The following ZNRF3 variants were observed in gnomAD, a reference collection of about 807,000 sequenced individuals.
ZNRF3 encodes the protein E3 ubiquitin-protein ligase ZNRF3.
A neutral mutation model predicts 72.5 loss-of-function variants in ZNRF3; 23 were observed. The ratio of observed to expected loss-of-function variants is 0.32; its 90% CI spans 0.23 to 0.45. The LOEUF (loss-of-function observed/expected upper bound fraction) is 0.45. Ranked by LOEUF, ZNRF3 falls within the 20% of genes least tolerant of loss-of-function variation. The pLI is 1.00. For missense variants in ZNRF3, 1,169 were observed against 1,272.1 expected, an observed-to-expected ratio of 0.92 and a Z score of 1.23; for synonymous variants, 610 against 545.3, an observed-to-expected ratio of 1.12 and a Z score of -1.65.
chr22:28,928,490 C>CTTTTT (rs10710766), intron 1 of ZNRF3, among the ~76,000 whole-genome samples: 2 of 80,604 alleles, frequency 2.5e-5, no homozygotes, highest in African/African-American at 8.2e-5. Flanking sequence ...CCAGAAATGT[C>CTTTTT]TTTTTTTTTT....
intron 1 of ZNRF3, among the ~76,000 whole-genome samples, chr22:28,935,607 C>G (rs1601577830): frequency 1.3e-5 from 2 of 152,336 alleles, no homozygotes; most frequent in East Asian, 3.9e-4. Context: ...AGGGTGCCCA[C>G]ACCAACATCC....
rs2036725869 is a variant in ZNRF3 at position 29,030,549 on chromosome 22, G to A, written c.427-11946G>A. Among the ~76,000 whole-genome samples, 1 of 152,172 alleles carries A rather than the reference G, an allele frequency of 6.6e-6. No homozygotes were observed. Among genetic ancestry groups the A allele is most frequent in the South Asian group, 2.1e-4 (1 of 4,834 alleles). On this transcript the variant is annotated intron_variant, in intron 2 of 8. Coordinates refer to ENST00000544604, the MANE Select transcript of ZNRF3 (RefSeq NM_001206998.2). This position sits in a 1 kb window ranked among gnomAD's most constrained non-coding sequence, Gnocchi z 4.2. Reference sequence around the variant, plus strand: ...GTTCCGGAACTCAGAACCTGCAGCCGACGGGAGCCTTTGGAGGCTTAATGA... The same window carrying A: ...GTTCCGGAACTCAGAACCTGCAGCCAACGGGAGCCTTTGGAGGCTTAATGA...
chr22:29,033,212 A>G (rs991534599), intron 2 of ZNRF3, among the ~76,000 whole-genome samples: 1 of 152,134 alleles, frequency 6.6e-6, no homozygotes, highest in Admixed American at 6.5e-5. Context: ...TTAGCCGGGC[A>G]TGATGGTGCA....
In ZNRF3 at chr22:28,941,093, C is replaced by G. The variant is rs560567295; in HGVS notation, c.301-45983C>G. 7.2e-5 allele frequency among the ~76,000 whole-genome samples: 11 copies of G among 152,196 alleles called. 1 individual carries two copies. In the South Asian group the frequency reaches 1.9e-3, roughly 26 times the overall value. ...TCTCTCCTCATACTTTTATTTTCCT[C>G]TGGCATTAAAATGAGAAGAGTAGGG... On this transcript the variant is annotated intron_variant, in intron 1 of 8. Transcript: ENST00000544604.
At chr22:28,890,485 G>A (rs1358526516) in intron 1 of ZNRF3, among the ~76,000 whole-genome samples, 1 of 152,184 alleles carries the variant, frequency 6.6e-6, no homozygotes, top group East Asian at 1.9e-4. Context: ...GAGCGACAGA[G>A]CAAGACTCCG....
rs1223958303 is a variant in ZNRF3, at chr22:28,931,032, A to T, written c.300+46966A>T. Among the ~76,000 whole-genome samples the T allele has an allele frequency of 2.6e-5, 4 of 152,338 alleles. No individual in the cohort carries two copies. The East Asian group carries it at 7.7e-4, about 29-fold the overall frequency. ...ATAACAGGCAGCCAAGGTTCTCATT[A>T]CAAGTCCTTTACCCATGCTTTGATG... On this transcript the variant is annotated intron_variant, in intron 1 of 8. Transcript: ENST00000544604.
intron 1 of ZNRF3, among the ~76,000 whole-genome samples, chr22:28,920,694 T>TC (rs1200672080): frequency 9.2e-5 from 14 of 152,356 alleles, no homozygotes; most frequent in Admixed American, 9.1e-4. Context: ...TATGCTTTTT[T>TC]CCCTCTCATT....
intron 1 of ZNRF3, among the ~76,000 whole-genome samples, chr22:28,950,098 T>C (rs1406561048): frequency 6.6e-6 from 1 of 152,252 alleles, no homozygotes; most frequent in African/African-American, 2.4e-5. Context: ...GAGTGCAGTT[T>C]GGTGTCACTG....
rs546482157 is a variant in ZNRF3, at chr22:29,055,343, T to G, written c.*1721T>G. 6.6e-6 allele frequency: 1 copy of G among 152,316 alleles called. No individual in the cohort carries two copies. Among genetic ancestry groups the G allele is most frequent in the East Asian group, 1.9e-4 (1 of 5,184 alleles). 9.4% of individuals were successfully genotyped at this position (152,316 alleles called of 1,614,324 possible). On this transcript the variant is annotated 3_prime_UTR_variant, in exon 9 of 9. Transcript: ENST00000544604. ...GTGGGTCTGAAAGCTCGCTTGAGAA[T>G]AGGAAACTTGAGACCTGGCCCCCTG...
rs762825720 is a variant in ZNRF3 at position 29,020,759 on chromosome 22, G to GTTTT, written c.427-21734_427-21731dup. On this transcript the variant is annotated intron_variant, in intron 2 of 8. Coordinates refer to ENST00000544604, the MANE Select transcript of ZNRF3 (RefSeq NM_001206998.2). ...TCCAGATTTCATTGAGAGGGGCTTT[G>GTTTT]TTTTTGTGTGTGTGTGGGTGTGTGT... is the stretch of plus-strand genomic sequence containing the variant. Among the ~76,000 whole-genome samples, 22 of 140,132 alleles carry GTTTT rather than the reference G, an allele frequency of 1.6e-4. No homozygotes were observed. In the East Asian group the frequency reaches 2.7e-3, roughly 17 times the overall value. 91.9% of individuals were successfully genotyped at this position (140,132 alleles called of 152,430 possible).
intron 2 of ZNRF3, among the ~76,000 whole-genome samples, chr22:29,012,808 G>A (rs1000218641): frequency 6.6e-6 from 1 of 152,182 alleles, no homozygotes; most frequent in South Asian, 2.1e-4. Context: ...GTCTCAGGCT[G>A]GGCTCTGTCC....
At chr22:28,887,235 A>AGAGAGT (rs376319811) in intron 1 of ZNRF3, among the ~76,000 whole-genome samples, 5 of 93,092 alleles carry the variant, frequency 5.4e-5, no homozygotes, top group African/African-American at 1.2e-4. Context: ...AGAGAGAGAG[A>AGAGAGT]GTGTGTGTGT....
At chr22:29,032,912 G>A (rs894020800) in intron 2 of ZNRF3, among the ~76,000 whole-genome samples, 1 of 152,220 alleles carries the variant, frequency 6.6e-6, no homozygotes, top group African/African-American at 2.4e-5. Context: ...GGGCACCGCA[G>A]CCTGAGGGAA....
intron 2 of ZNRF3, among the ~76,000 whole-genome samples, chr22:29,021,549 G>A (rs925350447): frequency 7.9e-5 from 12 of 150,976 alleles, no homozygotes; most frequent in Non-Finnish European, 1.5e-4. Flanking sequence ...GTGCAGTGGC[G>A]AGATCTCGGC....
At chr22:29,046,641 G>A (rs1167434497) in intron 5 of ZNRF3, 75 bp from the exon 6 acceptor site, 27 of 1,394,214 alleles carry the variant, frequency 1.9e-5, no homozygotes, top group African/African-American at 4.4e-5. Context: ...CCAGTGAATC[G>A]TGTGTCATGT....
intron 2 of ZNRF3, among the ~76,000 whole-genome samples, chr22:29,017,696 T>G (rs944614613): frequency 2.0e-5 from 3 of 151,984 alleles, no homozygotes; most frequent in African/African-American, 4.8e-5. Flanking sequence ...GGAGGAGAAA[T>G]GTAAACTGGG....
intron 1 of ZNRF3, among the ~76,000 whole-genome samples, chr22:28,981,944 C>T (rs531065709): frequency 6.6e-6 from 1 of 152,222 alleles, no homozygotes; most frequent in South Asian, 2.1e-4. Context: ...TTGCAGTGAG[C>T]CGAGATCGCG....
chr22:29,021,457 G>A (rs1601675239), intron 2 of ZNRF3, among the ~76,000 whole-genome samples: 1 of 151,454 alleles, frequency 6.6e-6, no homozygotes, highest in East Asian at 1.9e-4. Context: ...AAAAAGAATA[G>A]TTGCAGATTC....
chr22:28,901,165 C>G lies in ZNRF3; in HGVS notation c.300+17099C>G, dbSNP rs74843137. Among the ~76,000 whole-genome samples the G allele has an allele frequency of 2.0e-3, 302 of 152,160 alleles. 2 individuals carry two copies. Among genetic ancestry groups the G allele is most frequent in the African/African-American group, 7.0e-3 (289 of 41,502 alleles). On this transcript the variant is annotated intron_variant, in intron 1 of 8. Coordinates refer to ENST00000544604, the MANE Select transcript of ZNRF3 (RefSeq NM_001206998.2). Reference sequence around the variant, plus strand: ...TTTTTTAAATGCAGAAAACATTTCCCAGTTCAACTCAAAGAGCCTCTTTGT... The same window carrying G: ...TTTTTTAAATGCAGAAAACATTTCCGAGTTCAACTCAAAGAGCCTCTTTGT...
Sources: gnomAD v4.1 joint callset for allele counts (sites outside exome capture counted in the v4.1 genomes callset) on GRCh38, gnomAD v4.1.1 for gene constraint, Gnocchi (gnomAD v3.1) non-coding constraint, MANE v1.5 for transcripts, NCBI Gene and HGNC (gene_info 2026-07-23, HGNC 2026-07-21) for gene names.